Variants in RAD51B observed in about 807,000 individuals in gnomAD.
RAD51B encodes RAD51 paralog B, also known as DNA repair protein RAD51 homolog 2.
In RAD51B, 38 loss-of-function variants were observed where a neutral mutation model predicts 42.2. The ratio of observed to expected loss-of-function variants is 0.90; its 90% CI spans 0.70 to 1.18. The LOEUF is 1.18. Among genes scored for constraint, RAD51B ranks in the 50% most tolerant of loss-of-function variants. RAD51B has a pLI of 0.00. For synonymous variants in RAD51B, 154 were observed against 145.2 expected, an observed-to-expected ratio of 1.06 and a Z score of -0.43; for missense variants, 373 against 400.7, an observed-to-expected ratio of 0.93 and a Z score of 0.59.
intron 10 of RAD51B, chr14:68,497,510 CTAAAA>C (rs1013639036): frequency 9.4e-7 from 1 of 1,058,810 alleles, no homozygotes; most frequent in African/African-American, 1.7e-5. Context: ...CTTTCTCTTT[CTAAAA>C]TATTTCATTT....
At chr14:68,493,931 T>C (rs1884287566) in intron 10 of RAD51B, among the ~76,000 whole-genome samples, 1 of 152,216 alleles carries the variant, frequency 6.6e-6, no homozygotes. Flanking sequence ...ATAGGTTTCA[T>C]GTTCAAAGGC....
intron 7 of RAD51B, among the ~76,000 whole-genome samples, chr14:68,106,952 G>T (rs1163533649): frequency 6.6e-6 from 1 of 151,820 alleles, no homozygotes; most frequent in Non-Finnish European, 1.5e-5. Flanking sequence ...TAATTTTATA[G>T]ATGAGAAAAC....
downstream of RAD51B, among the ~76,000 whole-genome samples, chr14:68,480,932 C>T (rs1222295442): frequency 6.6e-6 from 1 of 152,258 alleles, no homozygotes; most frequent in Middle Eastern, 3.4e-3. Context: ...CAAGTATTGC[C>T]AGCTCTTGGG....
At chr14:68,422,642 A>G (rs906532878) in intron 9 of RAD51B, among the ~76,000 whole-genome samples, 6 of 152,090 alleles carry the variant, frequency 3.9e-5, no homozygotes, top group African/African-American at 1.4e-4. Flanking sequence ...GGAGAAATGA[A>G]TCAAATAAGT....
In RAD51B at chr14:68,648,093, G is replaced by GTA. The variant is rs1286172163; in HGVS notation, c.1037-2677_1037-2676dup. Among the ~76,000 whole-genome samples the GTA allele has an allele frequency of 4.7e-3, 74 of 15,694 alleles. 1 individual carries two copies. The highest frequency in any genetic ancestry group is 0.016 in the East Asian group (3 of 188). 10.3% of individuals were successfully genotyped at this position (15,694 alleles called of 152,430 possible). ...TATATACACGTATATATACGTGTGT[G>GTA]TATATATATATACACACACGTATAT... is the stretch of plus-strand genomic sequence containing the variant. On this transcript the variant is annotated intron_variant, in intron 10 of 11. Coordinates refer to the RAD51B transcript ENST00000488612.
chr14:68,271,020 T>A (rs1294648738), intron 7 of RAD51B, among the ~76,000 whole-genome samples: 1 of 152,256 alleles, frequency 6.6e-6, no homozygotes, highest in Non-Finnish European at 1.5e-5. Flanking sequence ...TCTATGTTCA[T>A]ATTTCTTTTT....
At chr14:68,082,493 TTATGTATG>T (rs140657460) in intron 7 of RAD51B, among the ~76,000 whole-genome samples, 1 of 151,146 alleles carries the variant, frequency 6.6e-6, no homozygotes, top group Admixed American at 6.6e-5. Context: ...ATATATGTAT[TTATGTATG>T]TATGTATGTA....
At chr14:67,967,870 G>C (rs1216737853) in intron 7 of RAD51B, among the ~76,000 whole-genome samples, 1 of 152,230 alleles carries the variant, frequency 6.6e-6, no homozygotes, top group Non-Finnish European at 1.5e-5. Flanking sequence ...GTCCCAGAAG[G>C]GACTCTGTGT....
intron 7 of RAD51B, among the ~76,000 whole-genome samples, chr14:68,226,759 G>C (rs1472226837): frequency 6.6e-6 from 1 of 152,206 alleles, no homozygotes. Flanking sequence ...CTGAGGGCCA[G>C]AGAGACTAAG....
chr14:68,461,292 T>G (rs1290966680), intron 9 of RAD51B, among the ~76,000 whole-genome samples: 2 of 146,362 alleles, frequency 1.4e-5, no homozygotes, highest in African/African-American at 5.1e-5. Context: ...GGATACCCTG[T>G]CCAGCTCCCT....
chr14:67,942,713 T>G (rs952756765), intron 7 of RAD51B, among the ~76,000 whole-genome samples: 1 of 152,222 alleles, frequency 6.6e-6, no homozygotes, highest in African/African-American at 2.4e-5. Flanking sequence ...AAAGGAAGAT[T>G]ACGGAGTCTA....
At chr14:68,206,076 G>A (rs1737575731) in intron 7 of RAD51B, among the ~76,000 whole-genome samples, 1 of 152,172 alleles carries the variant, frequency 6.6e-6, no homozygotes, top group South Asian at 2.1e-4. Flanking sequence ...TCTGGAACAT[G>A]TCTACAGCCT....
At chr14:68,634,585 C>T (rs1411100574) in intron 10 of RAD51B, among the ~76,000 whole-genome samples, 1 of 152,152 alleles carries the variant, frequency 6.6e-6, no homozygotes, top group Non-Finnish European at 1.5e-5. Flanking sequence ...ACTGGCTCCA[C>T]AGTCCCTACA....
chr14:68,535,183 A>C (rs1305058872), intron 10 of RAD51B, among the ~76,000 whole-genome samples: 1 of 152,178 alleles, frequency 6.6e-6, no homozygotes, highest in Non-Finnish European at 1.5e-5. Context: ...AGGTAATGGT[A>C]AAAGACCAAG....
intron 9 of RAD51B, among the ~76,000 whole-genome samples, chr14:68,453,781 G>A (rs931430962): frequency 3.2e-4 from 49 of 152,060 alleles, no homozygotes; most frequent in African/African-American, 4.1e-4. Flanking sequence ...GGATCCCACC[G>A]TTTACAAATG....
intron 4 of RAD51B, among the ~76,000 whole-genome samples, chr14:67,849,562 C>A (rs890594719): frequency 6.6e-6 from 1 of 152,206 alleles, no homozygotes; most frequent in African/African-American, 2.4e-5. Context: ...GGATTACAGG[C>A]GTGAGCCACT....
In RAD51B at chr14:68,468,221, C is replaced by T. The variant is rs1048458329; in HGVS notation, c.1007C>T (p.Thr336Ile). The T allele has an allele frequency of 1.9e-6, 3 of 1,613,834 alleles. No homozygotes were observed. The highest frequency in any genetic ancestry group is 2.7e-5 in the African/African-American group (2 of 74,894). ...PLAPFTSFVY[T>I]IKEEGLVLQG... Reference sequence around the variant, plus strand: ...GCTCCCTTCACCTCATTTGTCTACACCATCAAGGAGGAAGGCCTGGTTCTT... The same window carrying T: ...GCTCCCTTCACCTCATTTGTCTACATCATCAAGGAGGAAGGCCTGGTTCTT... The change falls in exon 10 of 11, where the codon ACC becomes ATC. Residue 336 changes from threonine to isoleucine, a missense_variant. By Grantham distance (89) the Thr-to-Ile change is moderately conservative. Coordinates refer to ENST00000471583, the MANE Select transcript of RAD51B (RefSeq NM_133510.4).
chr14:68,451,459 C>A (rs940307372), intron 9 of RAD51B, among the ~76,000 whole-genome samples: 1 of 152,214 alleles, frequency 6.6e-6, no homozygotes, highest in Non-Finnish European at 1.5e-5. Context: ...CCTGACAGCA[C>A]TGGGGAGAGT....
At chr14:68,597,483 C>T (rs1891049649), downstream of RAD51B, among the ~76,000 whole-genome samples, 2 of 152,216 alleles carry the variant, frequency 1.3e-5, no homozygotes, top group South Asian at 4.1e-4. Flanking sequence ...AAGATCGTGT[C>T]TCTTGTAGGA....
Sources: gnomAD v4.1 joint callset for allele counts (sites outside exome capture counted in the v4.1 genomes callset) on GRCh38, gnomAD v4.1.1 for gene constraint, MANE v1.5 for transcripts, NCBI Gene and HGNC (gene_info 2026-07-23, HGNC 2026-07-21) for gene names.